PTPRF: variants seen among roughly 807,000 people sequenced by gnomAD.
PTPRF encodes the protein protein tyrosine phosphatase receptor type F.
A neutral mutation model predicts 201.8 loss-of-function variants in PTPRF; 59 were observed. The observed-to-expected ratio is 0.29, with a 90% confidence interval of 0.24 to 0.36. PTPRF has a LOEUF of 0.36. Among genes scored for constraint, PTPRF ranks in the 10% least tolerant of loss-of-function variants. The pLI is 1.00. For synonymous variants in PTPRF, 1,088 were observed against 1,089.7 expected (o/e 1.00, Z 0.03); for missense variants, 2,132 against 2,690.5 (o/e 0.79, Z 4.59).
In PTPRF at chr1:43,577,864, C is replaced by T. The variant is rs867431364; in HGVS notation, c.569-946C>T. The stretch of plus-strand genomic sequence containing the variant: ...CAGGGAGGGGTGTGCTGCCTGTGCC[C>T]GGGGGTGTGTCTGTCACAGACAGCT... On this transcript the variant is annotated intron_variant, in intron 6 of 33. Transcript: ENST00000359947. Among the ~76,000 whole-genome samples, 20 of 152,248 alleles carry T rather than the reference C, an allele frequency of 1.3e-4. No individual in the cohort carries two copies. In the Middle Eastern group the frequency reaches 0.024, roughly 181 times the overall value.
chr1:43,579,285 A>G (rs1331694182), intron 7 of PTPRF: 14 of 479,046 alleles, frequency 2.9e-5, no homozygotes, highest in Non-Finnish European at 6.0e-5. Context: ...TCTGTGTGTA[A>G]ATGCATGCAT....
chr1:43,565,425 C>T (rs914162857), intron 5 of PTPRF, among the ~76,000 whole-genome samples: 29 of 152,244 alleles, frequency 1.9e-4, no homozygotes, highest in Non-Finnish European at 1.2e-4. Context: ...TGCACACTCC[C>T]CACCTTGCAC....
At chr1:43,540,393 G>A (rs1336777036) in intron 2 of PTPRF, among the ~76,000 whole-genome samples, 2 of 152,174 alleles carry the variant, frequency 1.3e-5, no homozygotes, top group Non-Finnish European at 2.9e-5. Context: ...GGGTGAGTGA[G>A]TGCTGGGGCA....
In PTPRF at chr1:43,613,821, G is replaced by C. The variant is rs944295952; in HGVS notation, c.4071+106G>C. ...TGGTGGGTGAGGAAGCAGGGGTCCA[G>C]CTTTTTCAGGAGCACAGAGAGGAGG... On this transcript the variant is annotated intron_variant, in intron 23 of 33. Transcript: ENST00000359947. 4.1e-6 allele frequency: 4 copies of C among 967,594 alleles called. No homozygotes were observed. The African/African-American group carries it at 6.4e-5, about 16-fold the overall frequency. 59.9% of individuals were successfully genotyped at this position (967,594 alleles called of 1,614,324 possible).
intron 20 of PTPRF, 144 bp downstream of exon 20, chr1:43,606,602 C>G (rs113038514): frequency 9.1e-7 from 1 of 1,095,346 alleles, no homozygotes; most frequent in Non-Finnish European, 1.3e-6. Context: ...GACCCAAGAT[C>G]TGTCCCGGGG....
chr1:43,620,733 G>A (rs1049581318), intron 31 of PTPRF, 105 bp from the exon 32 acceptor site: 16 of 1,523,674 alleles, frequency 1.1e-5, no homozygotes, highest in African/African-American at 5.5e-5. Flanking sequence ...CTCGGGTGCA[G>A]TGACACAGAT....
At chr1:43,530,823 A>T (rs922150143), upstream of PTPRF, 3 of 151,822 alleles carry the variant, frequency 2.0e-5, no homozygotes, top group African/African-American at 7.3e-5. The surrounding 1 kb of genome is among the most constrained non-coding windows in gnomAD (Gnocchi z 4.1). Context: ...CGCGCACGGC[A>T]GGGGCAGGGG....
At chr1:43,602,002 G>T (rs1653864192) in intron 13 of PTPRF, 69 bp from the exon 14 acceptor site, 2 of 1,558,924 alleles carry the variant, frequency 1.3e-6, no homozygotes, top group African/African-American at 1.4e-5. Context: ...GTCCCTTCCA[G>T]GCCAGGCCCT....
intron 7 of PTPRF, chr1:43,579,173 T>C: frequency 3.0e-6 from 2 of 676,532 alleles, no homozygotes; most frequent in South Asian, 3.0e-5. Context: ...GTATCTTTTG[T>C]AGGTCTTGCC....
chr1:43,603,752 C>G lies in PTPRF; in HGVS notation c.2600C>G (p.Thr867Ser), dbSNP rs556307288. The change falls in exon 16 of 34, where the codon ACC becomes AGC. Residue 867 changes from threonine (T) to serine (S), a missense_variant. Thr to Ser is a moderately conservative substitution (Grantham distance 58). Coordinates refer to ENST00000359947, the MANE Select transcript of PTPRF (RefSeq NM_002840.5). This position sits in a 1 kb window ranked among gnomAD's most constrained non-coding sequence, Gnocchi z 5.8. Reference protein sequence around the residue: ...YCRADEARPNTIDFGKDDQHF... With the variant: ...YCRADEARPNSIDFGKDDQHF... Reference sequence around the variant, plus strand: ...CGGGCCGACGAGGCGCGGCCCAACACCATAGATTTCGGCAAGGATGACCAG... The same window carrying G: ...CGGGCCGACGAGGCGCGGCCCAACAGCATAGATTTCGGCAAGGATGACCAG... 1 of 1,614,020 alleles carries G rather than the reference C, an allele frequency of 6.2e-7. No individual in the cohort carries two copies. Among genetic ancestry groups the G allele is most frequent in the African/African-American group, 1.3e-5 (1 of 75,062 alleles).
At chr1:43,606,108 G>T in intron 19 of PTPRF, 132 bp from the exon 20 acceptor site, 2 of 925,978 alleles carry the variant, frequency 2.2e-6, no homozygotes, top group Non-Finnish European at 3.2e-6. Context: ...GCAGTGGGTT[G>T]GGCAGGTGTG....
chr1:43,555,442 C>CTTTTTTTTT (rs986469997), intron 5 of PTPRF, among the ~76,000 whole-genome samples: 4 of 115,568 alleles, frequency 3.5e-5, no homozygotes, highest in Non-Finnish European at 5.4e-5. Flanking sequence ...TATCATTATT[C>CTTTTTTTTT]TTTTTTTTTT....
At chr1:43,569,889 G>A (rs1464363582) in intron 6 of PTPRF, 111 bp downstream of exon 6, 2 of 1,245,506 alleles carry the variant, frequency 1.6e-6, no homozygotes, top group African/African-American at 3.0e-5. Flanking sequence ...GCTGAGCGGA[G>A]GGTACCTGGT....
chr1:43,575,948 T>G (rs760475528), intron 6 of PTPRF: 1 of 1,364,786 alleles, frequency 7.3e-7, no homozygotes, highest in East Asian at 4.6e-5. Context: ...TGTCCGTGCC[T>G]CTCGCCACAC....
At chr1:43,552,933 G>T (rs2819339) in intron 3 of PTPRF, among the ~76,000 whole-genome samples, 37,416 of 152,046 alleles carry the variant, frequency 0.25, 4,932 homozygotes, top group South Asian at 0.41. Context: ...GAGAGACTTA[G>T]GAACTGGACT....
intron 12 of PTPRF, 119 bp from the exon 13 acceptor site, chr1:43,598,601 G>A: frequency 1.1e-6 from 1 of 946,672 alleles, no homozygotes; most frequent in Non-Finnish European, 1.6e-6. Context: ...TAAGGAAACT[G>A]TATCAGGGCC....
At chr1:43,561,938 A>G (rs1645834081) in intron 5 of PTPRF, among the ~76,000 whole-genome samples, 1 of 152,120 alleles carries the variant, frequency 6.6e-6, no homozygotes, top group African/African-American at 2.4e-5. Context: ...ACTCACAGGT[A>G]CTTGTAAGGC....
chr1:43,620,919 A>G lies in PTPRF; in HGVS notation c.5446A>G (p.Ile1816Val), dbSNP rs1308023685. 8 of 1,614,088 alleles carry G rather than the reference A, an allele frequency of 5.0e-6. No individual in the cohort carries two copies. The highest frequency in any genetic ancestry group is 5.9e-6 in the Non-Finnish European group (7 of 1,180,032). The change falls in exon 32 of 34, where the codon ATT becomes GTT. Residue 1816 changes from isoleucine (I) to valine (V), a missense_variant. Transcript: ENST00000359947. Reference protein sequence around the residue: ...QGVPKTGEGFIDFIGQVHKTK... With the variant: ...QGVPKTGEGFVDFIGQVHKTK... Reference sequence around the variant, plus strand: ...CGTGCCCAAGACAGGCGAGGGATTCATTGACTTCATCGGGCAGGTGCATAA... The same window carrying G: ...CGTGCCCAAGACAGGCGAGGGATTCGTTGACTTCATCGGGCAGGTGCATAA...
chr1:43,568,485 C>G (rs908923040), intron 5 of PTPRF, among the ~76,000 whole-genome samples: 3 of 152,176 alleles, frequency 2.0e-5, no homozygotes, highest in African/African-American at 4.8e-5. Context: ...CTCCGCAACA[C>G]CTTGCATGCA....
Sources: allele counts gnomAD v4.1 joint callset (sites outside exome capture counted in the v4.1 genomes callset), GRCh38; gene constraint gnomAD v4.1.1; non-coding constraint Gnocchi (gnomAD v3.1); transcripts MANE v1.5; gene names NCBI Gene and HGNC (gene_info 2026-07-23, HGNC 2026-07-21).